ACSS3: variants seen among roughly 807,000 people sequenced by gnomAD.
The protein encoded by ACSS3 is acyl-CoA synthetase short-chain family member 3, mitochondrial.
Under a neutral mutation model 84.2 loss-of-function variants are expected in ACSS3, and 64 were observed. That is an observed-to-expected ratio of 0.76 (90% CI 0.62 to 0.94). ACSS3 has a LOEUF of 0.94. Ranked by LOEUF, ACSS3 falls within the 40% of genes least tolerant of loss-of-function variation. The pLI, the probability that ACSS3 is intolerant of heterozygous loss-of-function variation, is 0.00. For missense variants in ACSS3, 815 were observed against 867.6 expected (o/e 0.94, Z 0.76); for synonymous variants, 317 against 310.1 (o/e 1.02, Z -0.23).
chr12:81,188,659 T>C (rs1247175829), intron 8 of ACSS3, among the ~76,000 whole-genome samples: 1 of 152,160 alleles, frequency 6.6e-6, no homozygotes, highest in African/African-American at 2.4e-5. Flanking sequence ...ATTTACTTAA[T>C]GCCTTGAGCT....
chr12:81,219,531 T>C (rs2033032586), intron 10 of ACSS3, among the ~76,000 whole-genome samples: 1 of 152,104 alleles, frequency 6.6e-6, no homozygotes, highest in Non-Finnish European at 1.5e-5. Context: ...ATTGAGATAA[T>C]ATTTGGGAAG....
chr12:81,245,314 T>G (rs918699270), intron 13 of ACSS3, among the ~76,000 whole-genome samples: 1 of 151,976 alleles, frequency 6.6e-6, no homozygotes, highest in African/African-American at 2.4e-5. Flanking sequence ...TACAAAAAAT[T>G]AGCCAGGCGT....
At chr12:81,184,987 A>G (rs1419751851) in intron 8 of ACSS3, among the ~76,000 whole-genome samples, 7 of 151,718 alleles carry the variant, frequency 4.6e-5, no homozygotes, top group Admixed American at 3.3e-4. Context: ...TTAGTAAAGT[A>G]TTATCAAAAC....
intron 2 of ACSS3, among the ~76,000 whole-genome samples, chr12:81,113,015 C>T (rs1185751866): frequency 6.6e-6 from 1 of 152,032 alleles, no homozygotes; most frequent in Non-Finnish European, 1.5e-5. Context: ...GGTTTTTGTA[C>T]AGAGATTTGG....
intron 8 of ACSS3, among the ~76,000 whole-genome samples, chr12:81,189,068 C>G (rs2135866128): frequency 6.6e-6 from 1 of 152,184 alleles, no homozygotes; most frequent in South Asian, 2.1e-4. Flanking sequence ...CTCCCAACTA[C>G]CCTCTCCCCC....
rs189240584 is a variant in ACSS3, at chr12:81,190,695, T to G, written c.1251-8646T>G. Among the ~76,000 whole-genome samples the G allele has an allele frequency of 3.6e-3, 546 of 152,172 alleles. 1 individual carries two copies. The highest frequency in any genetic ancestry group is 6.8e-3 in the Middle Eastern group (2 of 294). ...CATCCAGATTATCAGGAAGAAAGCTTTCAATATTCATTATTAAGGAAAATG... is the reference window on the plus strand; with the variant it reads ...CATCCAGATTATCAGGAAGAAAGCTGTCAATATTCATTATTAAGGAAAATG... On this transcript the variant is annotated intron_variant, in intron 8 of 15. Coordinates refer to ENST00000548058, the MANE Select transcript of ACSS3 (RefSeq NM_024560.4).
At position 81,078,088 on chromosome 12, in the gene ACSS3, C is replaced by G. The variant is rs752709742; in HGVS notation, c.-33C>G. ...AGGAAGTTGCAAGAGTACCATTTGT[C>G]GCACACTCGGGGACCGCGGGTGGCC... On this transcript the variant is annotated 5_prime_UTR_variant, in exon 1 of 16. Transcript: ENST00000548058. 6.9e-7 allele frequency: 1 copy of G among 1,450,450 alleles called. No individual in the cohort carries two copies. 89.8% of individuals were successfully genotyped at this position (1,450,450 alleles called of 1,614,324 possible). A position where few individuals can be genotyped will look rare whatever the true frequency, so the allele number is the denominator to read the frequency against.
At chr12:81,092,006 G>T (rs764961926) in intron 1 of ACSS3, among the ~76,000 whole-genome samples, 10 of 152,052 alleles carry the variant, frequency 6.6e-5, no homozygotes, top group Non-Finnish European at 1.2e-4. Context: ...TTCTCATTGT[G>T]TCACGTTTCC....
At chr12:81,240,215 A>G (rs1216529345) in intron 13 of ACSS3, among the ~76,000 whole-genome samples, 2 of 151,952 alleles carry the variant, frequency 1.3e-5, no homozygotes, top group South Asian at 2.1e-4. Flanking sequence ...TCTCCTCCCA[A>G]TTCTATCAGT....
intron 2 of ACSS3, among the ~76,000 whole-genome samples, chr12:81,127,380 T>C (rs1219096984): frequency 6.6e-6 from 1 of 152,200 alleles, no homozygotes; most frequent in Non-Finnish European, 1.5e-5. Flanking sequence ...CCTGAATGCA[T>C]AGTTAATGCA....
intron 10 of ACSS3, among the ~76,000 whole-genome samples, chr12:81,217,551 A>G (rs957855197): frequency 2.6e-5 from 4 of 152,142 alleles, no homozygotes; most frequent in Non-Finnish European, 1.5e-5. Context: ...ATTGTTTAAT[A>G]ATAAAAACAG....
intron 1 of ACSS3, among the ~76,000 whole-genome samples, chr12:81,106,808 T>C (rs991346256): frequency 1.3e-5 from 2 of 152,040 alleles, no homozygotes; most frequent in Admixed American, 1.3e-4. Flanking sequence ...TTGTAATCAG[T>C]GAGAGAACCA....
chr12:81,137,355 ACACACAC>A (rs1885862064), intron 3 of ACSS3, among the ~76,000 whole-genome samples: 1 of 146,840 alleles, frequency 6.8e-6, no homozygotes, highest in Admixed American at 6.8e-5. Flanking sequence ...ACACACACAC[ACACACAC>A]ACCCCTAATA....
intron 8 of ACSS3, among the ~76,000 whole-genome samples, chr12:81,184,950 C>G (rs1185529786): frequency 6.6e-6 from 1 of 151,682 alleles, no homozygotes; most frequent in Admixed American, 6.6e-5. Context: ...TGGTTAATTT[C>G]TCTGAGGAAC....
rs1593209446 is a variant in ACSS3 at position 81,216,910 on chromosome 12, C to T, written c.1364C>T (p.Ser455Phe). 2 of 1,610,114 alleles carry T rather than the reference C, an allele frequency of 1.2e-6. No individual in the cohort carries two copies. Among genetic ancestry groups the T allele is most frequent in the Non-Finnish European group, 1.7e-6 (2 of 1,177,010 alleles). Residue 455 changes from serine to phenylalanine, a missense_variant, in exon 10 of 16, where the codon TCT (serine) becomes TTT (phenylalanine). Coordinates refer to ENST00000548058, the MANE Select transcript of ACSS3 (RefSeq NM_024560.4). ...ACATTTCTTTTTCCAGAGACTGGAT[C>T]TCCAATTACTGCGTCATGTGTTGGA... ...LDHWWQTETG[S>F]PITASCVGLG...
rs1262362914 is a variant in ACSS3, at chr12:81,092,173, A to G, written c.311+13742A>G. Among the ~76,000 whole-genome samples, 20 of 152,068 alleles carry G rather than the reference A, an allele frequency of 1.3e-4. 1 individual carries two copies. The highest frequency in any genetic ancestry group is 4.6e-4 in the Admixed American group (7 of 15,270). On this transcript the variant is annotated intron_variant, in intron 1 of 15. Transcript: ENST00000548058. ...TGTTTTTTAGCCCTGGAGTTTATTC[A>G]TTTGTTAATGCATTTGTTTCTTCTT...
intron 2 of ACSS3, among the ~76,000 whole-genome samples, chr12:81,114,983 C>T (rs549421604): frequency 6.6e-6 from 1 of 152,212 alleles, no homozygotes; most frequent in Admixed American, 6.6e-5. Flanking sequence ...GAACTTTATA[C>T]AAATTGAGTA....
chr12:81,090,633 CAA>C (rs1477449512), intron 1 of ACSS3, among the ~76,000 whole-genome samples: 1 of 151,940 alleles, frequency 6.6e-6, no homozygotes, highest in Non-Finnish European at 1.5e-5. Context: ...ATCAAGGAAC[CAA>C]AGAGTTTGAA....
chr12:81,253,428 G>A (rs958835053), intron 14 of ACSS3, 22 bp downstream of exon 14: 10 of 1,613,316 alleles, frequency 6.2e-6, no homozygotes, highest in Admixed American at 3.3e-5. Context: ...TTTTCTCCCT[G>A]ATTGCTTGGG....
Sources: allele counts gnomAD v4.1 joint callset (sites outside exome capture counted in the v4.1 genomes callset), GRCh38; gene constraint gnomAD v4.1.1; transcripts MANE v1.5; gene names NCBI Gene and HGNC (gene_info 2026-07-23, HGNC 2026-07-21).